The following P2RX5 variants were observed in gnomAD, a reference collection of about 807,000 sequenced individuals.
The protein encoded by P2RX5 is purinergic receptor P2X 5.
P2RX5 carries 46 observed loss-of-function variants against 54.1 expected under a neutral mutation model. The observed-to-expected ratio is 0.85, with a 90% CI of 0.67 to 1.09. P2RX5 has a LOEUF of 1.09. Among genes scored for constraint, P2RX5 ranks in the 50% least tolerant of loss-of-function variants. P2RX5 has a pLI of 0.00. For synonymous variants in P2RX5, 226 were observed against 226.4 expected, an observed-to-expected ratio of 1.00 and a Z score of 0.02; for missense variants, 566 against 549.8, an observed-to-expected ratio of 1.03 and a Z score of -0.29.
At chr17:3,716,157 C>T in the P2RX5 span, among the ~76,000 whole-genome samples, 4 of 141,514 alleles carry the variant, frequency 2.8e-5, no homozygotes, top group Non-Finnish European at 4.6e-5. Context: ...GGCGAAAGAG[C>T]GGAACTCCGT....
the P2RX5 span, chr17:3,714,613 G>A: frequency 5.0e-6 from 2 of 401,934 alleles, no homozygotes; most frequent in Admixed American, 4.4e-5. Flanking sequence ...TGTATTTCCA[G>A]ATTAAAGGCA....
At chr17:3,721,350 A>G in the P2RX5 span, among the ~76,000 whole-genome samples, 1 of 136,630 alleles carries the variant, frequency 7.3e-6, no homozygotes, top group Admixed American at 8.1e-5. Context: ...TAGCTCACTG[A>G]AGCTTCAAAT....
chr17:3,690,662 C>A lies in P2RX5; in HGVS notation c.379G>T (p.Gly127Cys). 6.2e-7 allele frequency: 1 copy of A among 1,613,318 alleles called. No individual in the cohort carries two copies. The highest frequency in any genetic ancestry group is 1.7e-5 in the Admixed American group (1 of 60,034). Residue 127 changes from glycine (G) to cysteine (C), a missense_variant, in exon 4 of 12, where the codon GGC (glycine) becomes TGC (cysteine). By Grantham distance (159) the Gly-to-Cys change is radical. Coordinates refer to ENST00000225328, the MANE Select transcript of P2RX5 (RefSeq NM_002561.4). ...CAGTCGCTGTCCTTGGAGCACGCGC[C>A]ATCAGGAATGCCTTCATTCTGCCAG... ...VCAENEGIPD[G>C]ACSKDSDCHA...
At chr17:3,689,857 C>T (rs539312657) in intron 6 of P2RX5, among the ~76,000 whole-genome samples, 2 of 151,926 alleles carry the variant, frequency 1.3e-5, no homozygotes, top group Admixed American at 6.5e-5. Context: ...CACGCGTGCA[C>T]GCACGCACAC....
At chr17:3,715,518 G>C in the P2RX5 span, among the ~76,000 whole-genome samples, 1 of 152,132 alleles carries the variant, frequency 6.6e-6, no homozygotes, top group South Asian at 2.1e-4. Flanking sequence ...CAGCCTACGC[G>C]TACGCAGAGG....
At chr17:3,676,391 A>G (rs531156906) in intron 11 of P2RX5, 1 of 985,352 alleles carries the variant, frequency 1.0e-6, no homozygotes, top group South Asian at 4.7e-5. Context: ...TGCATTAGTA[A>G]CACTGGCTGC....
At chr17:3,720,283 ACTC>A in the P2RX5 span, 1 of 1,195,708 alleles carries the variant, frequency 8.4e-7, no homozygotes, top group Admixed American at 1.7e-5. Context: ...CTTGGGCACT[ACTC>A]AGAAGCCAGC....
At position 3,688,007 on chromosome 17, in the gene P2RX5, C is replaced by T. The variant is rs753068111; in HGVS notation, c.981+5G>A. 6.7e-6 allele frequency: 10 copies of T among 1,499,948 alleles called. No individual in the cohort carries two copies. Among genetic ancestry groups the T allele is most frequent in the Admixed American group, 3.6e-5 (2 of 54,918 alleles). 92.9% of individuals were successfully genotyped at this position (1,499,948 alleles called of 1,614,324 possible). A position where few individuals can be genotyped will look rare whatever the true frequency, so the allele number is the denominator to read the frequency against. ...CAGCCTCAGAACAGGAGAAGGCACA[C>T]GCACCTTGCCGTTCACCATCACGTC... is the stretch of plus-strand genomic sequence containing the variant. On this transcript the variant is annotated splice_donor_5th_base_variant and intron_variant, in intron 9 of 11. Coordinates refer to ENST00000225328, the MANE Select transcript of P2RX5 (RefSeq NM_002561.4).
chr17:3,711,370 C>CTTTTTTTTTTTTTTTTTTTTTTTTT, the P2RX5 span, among the ~76,000 whole-genome samples: 43 of 63,090 alleles, frequency 6.8e-4, 6 homozygotes, highest in Non-Finnish European at 8.4e-4. Flanking sequence ...AGCACTCATT[C>CTTTTTTTTTTTTTTTTTTTTTTTTT]TTTTTTTTTT....
intron 10 of P2RX5, among the ~76,000 whole-genome samples, chr17:3,680,192 C>T (rs1178406175): frequency 1.5e-5 from 2 of 137,612 alleles, no homozygotes; most frequent in Non-Finnish European, 3.2e-5. Flanking sequence ...ACCCTGCGTC[C>T]TCCACCCTGC....
Position 3,678,181 on chromosome 17 carries a change from G to A in P2RX5, c.1259+1409C>T, listed in dbSNP as rs964755597. The A allele has an allele frequency of 1.2e-5, 10 of 855,024 alleles. No individual in the cohort carries two copies. In the South Asian group the frequency reaches 1.6e-4, roughly 14 times the overall value. The allele number at this position is 855,024 out of a possible 1,614,324, so 53.0% of individuals were successfully genotyped here. On this transcript the variant is annotated intron_variant, in intron 11 of 11. Coordinates refer to ENST00000225328, the MANE Select transcript of P2RX5 (RefSeq NM_002561.4). ...GGCGCACAGGGCAGAGAGGACTGTCGGGAGCCGGTGGGTGGGCCAGCCTCA... is the reference window on the plus strand; with the variant it reads ...GGCGCACAGGGCAGAGAGGACTGTCAGGAGCCGGTGGGTGGGCCAGCCTCA...
the P2RX5 span, chr17:3,723,722 C>T: frequency 1.9e-6 from 3 of 1,605,968 alleles, no homozygotes; most frequent in African/African-American, 2.7e-5. Context: ...GCGCTCCTGA[C>T]TCCAGGTGCA....
chr17:3,680,493 CAG>C (rs2050233189), intron 10 of P2RX5, among the ~76,000 whole-genome samples: 3 of 78,276 alleles, frequency 3.8e-5, no homozygotes, highest in East Asian at 4.5e-4. Context: ...ATCCTCCACC[CAG>C]TGTCCTCCAC....
the P2RX5 span, among the ~76,000 whole-genome samples, chr17:3,703,725 C>T: frequency 1.6e-4 from 24 of 152,106 alleles, no homozygotes; most frequent in African/African-American, 5.1e-4. Context: ...GAAATAACAC[C>T]TCCCCCTTAG....
the P2RX5 span, among the ~76,000 whole-genome samples, chr17:3,718,788 C>A: frequency 6.6e-6 from 1 of 152,112 alleles, no homozygotes; most frequent in South Asian, 2.1e-4. Flanking sequence ...AATGAAGGAA[C>A]AATTATTTTT....
intron 7 of P2RX5, 137 bp downstream of exon 7, chr17:3,689,355 C>T: frequency 3.0e-6 from 2 of 657,214 alleles, no homozygotes; most frequent in South Asian, 1.7e-5. Context: ...GTTCTGAAAA[C>T]ACTGAGTCCC....
chr17:3,685,249 C>T (rs1358503513), intron 9 of P2RX5, among the ~76,000 whole-genome samples: 2 of 152,202 alleles, frequency 1.3e-5, no homozygotes, highest in Non-Finnish European at 2.9e-5. Flanking sequence ...TGGGGACTGA[C>T]CTAAACCCAT....
chr17:3,701,082 G>A (rs1486568569), upstream of P2RX5, among the ~76,000 whole-genome samples: 1 of 152,184 alleles, frequency 6.6e-6, no homozygotes, highest in African/African-American at 2.4e-5. Context: ...AATAAAGGAC[G>A]GGATGAGCAG....
chr17:3,689,927 CACACACGCACACACGCGA>C (rs1431547920), intron 6 of P2RX5, 125 bp downstream of exon 6: 29 of 857,350 alleles, frequency 3.4e-5, no homozygotes, highest in South Asian at 1.7e-4. Context: ...CATGCACGCG[CACACACGCACACACGCGA>C]ACACACGCAC....
Sources: gnomAD v4.1 joint callset for allele counts (sites outside exome capture counted in the v4.1 genomes callset) on GRCh38, gnomAD v4.1.1 for gene constraint, MANE v1.5 for transcripts, NCBI Gene and HGNC (gene_info 2026-07-23, HGNC 2026-07-21) for gene names.